RPTOR: variants seen among roughly 807,000 people sequenced by gnomAD.
RPTOR encodes the protein regulatory associated protein of MTOR complex 1, also known as regulatory-associated protein of mTOR.
In RPTOR, 21 loss-of-function variants were observed where a neutral mutation model predicts 169.9. That is an observed-to-expected ratio of 0.12 (90% CI 0.09 to 0.18). RPTOR has a LOEUF of 0.18. Ranked by LOEUF, RPTOR falls within the 10% of genes least tolerant of loss-of-function variation. The pLI is 1.00. For synonymous variants in RPTOR, 732 were observed against 753.2 expected (o/e 0.97, Z 0.46); for missense variants, 1,133 against 1,855.9 (o/e 0.61, Z 7.16).
intron 1 of RPTOR, among the ~76,000 whole-genome samples, chr17:80,619,343 G>A (rs1046422023): frequency 3.9e-5 from 6 of 152,140 alleles, no homozygotes; most frequent in South Asian, 2.1e-4. Flanking sequence ...GTCACTGCAC[G>A]TCAGCCTGTG....
chr17:80,877,712 C>T (rs749083388), intron 13 of RPTOR, among the ~76,000 whole-genome samples: 38 of 152,140 alleles, frequency 2.5e-4, no homozygotes, highest in African/African-American at 4.6e-4. Context: ...ACGTGGACGG[C>T]GGTCGATGCA....
intron 1 of RPTOR, among the ~76,000 whole-genome samples, chr17:80,554,061 T>C (rs1304822260): frequency 6.6e-6 from 1 of 151,862 alleles, no homozygotes; most frequent in African/African-American, 2.4e-5. Flanking sequence ...GTTGTGTGCG[T>C]GTGTGTATAT....
At chr17:80,865,234 C>G (rs11150751) in intron 13 of RPTOR, among the ~76,000 whole-genome samples, 1 of 151,960 alleles carries the variant, frequency 6.6e-6, no homozygotes, top group African/African-American at 2.4e-5. Context: ...ATAGACAACA[C>G]GGAAGGAAAA....
At chr17:80,877,713 G>A (rs2068137453) in intron 13 of RPTOR, among the ~76,000 whole-genome samples, 1 of 152,152 alleles carries the variant, frequency 6.6e-6, no homozygotes, top group Admixed American at 6.5e-5. Flanking sequence ...CGTGGACGGC[G>A]GTCGATGCAT....
intron 1 of RPTOR, among the ~76,000 whole-genome samples, chr17:80,590,123 A>C (rs1183570129): frequency 6.6e-6 from 1 of 152,294 alleles, no homozygotes; most frequent in East Asian, 1.9e-4. Flanking sequence ...TTTTTTGTGC[A>C]TCTATCAAGA....
At chr17:80,923,856 A>C (rs779553179) in intron 23 of RPTOR, 183 bp downstream of exon 23, 3 of 646,608 alleles carry the variant, frequency 4.6e-6, no homozygotes, top group South Asian at 2.0e-5. Flanking sequence ...TCACTCGTGC[A>C]CCCCTCTGCC....
chr17:80,923,934 G>A (rs188004958), intron 23 of RPTOR: 10 of 482,494 alleles, frequency 2.1e-5, no homozygotes, highest in African/African-American at 2.1e-4. Flanking sequence ...GAGCACTGCT[G>A]GGTGTGTCCC....
rs745759509 is a variant in RPTOR, at chr17:80,846,595, C to A, written c.1314+21C>A. 5.6e-6 allele frequency: 9 copies of A among 1,606,560 alleles called. No individual in the cohort carries two copies. The African/African-American group carries it at 9.4e-5, about 17-fold the overall frequency. Reference sequence around the variant, plus strand: ...TGCAGGTGAGTTTCTTCAGACCGGGCCAGACAGCCGAGGTTCCTCAGGAAG... The same window carrying A: ...TGCAGGTGAGTTTCTTCAGACCGGGACAGACAGCCGAGGTTCCTCAGGAAG... On this transcript the variant is annotated intron_variant, in intron 11 of 33. Coordinates refer to ENST00000306801, the MANE Select transcript of RPTOR (RefSeq NM_020761.3).
chr17:80,585,643 G>A (rs1289572711), intron 1 of RPTOR, among the ~76,000 whole-genome samples: 2 of 152,310 alleles, frequency 1.3e-5, no homozygotes, highest in East Asian at 3.9e-4. Flanking sequence ...CTGCTACGTC[G>A]CTCAGGCTTA....
At chr17:80,786,665 G>T (rs959800515) in intron 6 of RPTOR, among the ~76,000 whole-genome samples, 11 of 152,212 alleles carry the variant, frequency 7.2e-5, no homozygotes, top group African/African-American at 2.7e-4. Context: ...GGTCTGCCTT[G>T]CTTGAGCCCA....
chr17:80,760,864 G>T lies in RPTOR; in HGVS notation c.830+6679G>T, dbSNP rs549654691. ...TGCTGGCACAGCTGCTACAGAATGC[G>T]GTGTGCTGGGTAAACAACATACAGC... On this transcript the variant is annotated intron_variant, in intron 6 of 33. Coordinates refer to ENST00000306801, the MANE Select transcript of RPTOR (RefSeq NM_020761.3). 4.6e-5 allele frequency among the ~76,000 whole-genome samples: 7 copies of T among 152,278 alleles called. No individual in the cohort carries two copies. In the South Asian group the frequency reaches 1.2e-3, roughly 27 times the overall value.
intron 3 of RPTOR, among the ~76,000 whole-genome samples, chr17:80,693,366 C>T (rs1405573032): frequency 6.6e-6 from 1 of 152,222 alleles, no homozygotes; most frequent in African/African-American, 2.4e-5. Flanking sequence ...TTCTCGGGTT[C>T]ATTGGGGGGA....
intron 2 of RPTOR, among the ~76,000 whole-genome samples, chr17:80,642,954 C>T (rs1273543180): frequency 1.3e-5 from 2 of 151,964 alleles, no homozygotes; most frequent in African/African-American, 4.8e-5. Context: ...TTCTACTAAA[C>T]TTTTTTGGAA....
At position 80,603,319 on chromosome 17, in the gene RPTOR, T is replaced by G. The variant is rs183470745; in HGVS notation, c.163-22372T>G. On this transcript the variant is annotated intron_variant, in intron 1 of 33. Coordinates refer to ENST00000306801, the MANE Select transcript of RPTOR (RefSeq NM_020761.3). ...AGGAGGTCGTGGCATAAAAGGTGAT[T>G]TTTCTGGGAGCTTCACATCTAGGCG... 5.9e-5 allele frequency among the ~76,000 whole-genome samples: 9 copies of G among 152,172 alleles called. No homozygotes were observed. In the East Asian group the frequency reaches 1.7e-3, roughly 29 times the overall value.
chr17:80,962,686 G>A, intron 32 of RPTOR, 109 bp downstream of exon 32: 2 of 1,129,108 alleles, frequency 1.8e-6, no homozygotes, highest in Non-Finnish European at 2.5e-6. Flanking sequence ...GGGCAGGGGA[G>A]GATTTCACTG....
chr17:80,855,828 G>T (rs1275155035), intron 12 of RPTOR, among the ~76,000 whole-genome samples: 1 of 152,212 alleles, frequency 6.6e-6, no homozygotes, highest in South Asian at 2.1e-4. Flanking sequence ...TTGTCGGCCG[G>T]TCACCTTTTC....
rs142789991 is a variant in RPTOR, at chr17:80,954,064, C to T, written c.3371-3560C>T. ...GCAGCCTCAACCACCTGGGCTCAAG[C>T]GGTCATCCCACCTCAGCCTCCCAAC... On this transcript the variant is annotated intron_variant, in intron 28 of 33. Coordinates refer to ENST00000306801, the MANE Select transcript of RPTOR (RefSeq NM_020761.3). Among the ~76,000 whole-genome samples the T allele has an allele frequency of 2.0e-4, 31 of 152,340 alleles. No individual in the cohort carries two copies. The East Asian group carries it at 5.8e-3, about 28-fold the overall frequency.
At chr17:80,783,979 G>A (rs1053908377) in intron 6 of RPTOR, among the ~76,000 whole-genome samples, 1 of 152,124 alleles carries the variant, frequency 6.6e-6, no homozygotes, top group Admixed American at 6.5e-5. Flanking sequence ...AATACTAAAA[G>A]GCATACTTTT....
intron 5 of RPTOR, among the ~76,000 whole-genome samples, chr17:80,752,766 A>G (rs1003212418): frequency 6.6e-6 from 1 of 152,234 alleles, no homozygotes; most frequent in Non-Finnish European, 1.5e-5. Flanking sequence ...GGCAGGGTAT[A>G]GCAAACTCGT....
Sources: allele counts gnomAD v4.1 joint callset (sites outside exome capture counted in the v4.1 genomes callset), GRCh38; gene constraint gnomAD v4.1.1; transcripts MANE v1.5; gene names NCBI Gene and HGNC (gene_info 2026-07-23, HGNC 2026-07-21).